The following NFIB variants were observed in gnomAD, a reference collection of about 807,000 sequenced individuals.
The protein encoded by NFIB is nuclear factor I B.
Under a neutral mutation model 61.5 loss-of-function variants are expected in NFIB, and 11 were observed. The observed-to-expected ratio is 0.18, with a 90% confidence interval of 0.11 to 0.30. NFIB has a LOEUF of 0.30. NFIB is among the 10% of genes least tolerant of loss of function. The probability of loss-of-function intolerance (pLI) is 1.00; values close to 1 mark genes in which losing one functional copy is unlikely to be tolerated. For missense variants in NFIB, 471 were observed against 608.9 expected, an observed-to-expected ratio of 0.77 and a Z score of 2.38; for synonymous variants, 260 against 216.5, an observed-to-expected ratio of 1.20 and a Z score of -1.76.
At chr9:14,398,667 T>C in exon 1 of NFIB, 1 of 1,419,036 alleles carries the variant, frequency 7.0e-7, no homozygotes, top group Non-Finnish European at 9.5e-7. Context: ...GCCTGTAGGC[T>C]CTGCTTCTGC....
At chr9:14,102,417 G>T in intron 10 of NFIB, 1 of 1,548,922 alleles carries the variant, frequency 6.5e-7, no homozygotes, top group Non-Finnish European at 8.7e-7. Flanking sequence ...TAATTAAAAT[G>T]TTACCTTTGC....
At chr9:14,222,618 C>A (rs572646750) in intron 2 of NFIB, among the ~76,000 whole-genome samples, 1 of 151,998 alleles carries the variant, frequency 6.6e-6, no homozygotes, top group African/African-American at 2.4e-5. Context: ...GCCTGGGCAA[C>A]AAAGTGAGAC....
At chr9:14,341,589 G>T (rs576856792) in intron 1 of NFIB, among the ~76,000 whole-genome samples, 24 of 152,138 alleles carry the variant, frequency 1.6e-4, no homozygotes, top group Admixed American at 9.8e-4. Context: ...GGTTGCCAAG[G>T]CTCCGATAAA....
intron 10 of NFIB, among the ~76,000 whole-genome samples, chr9:14,104,396 T>C (rs2036238978): frequency 1.3e-5 from 2 of 152,002 alleles, no homozygotes; most frequent in South Asian, 4.1e-4. Context: ...TCAAATTTAG[T>C]GTGATGGGGC....
chr9:14,100,167 A>C (rs527283154), intron 10 of NFIB, among the ~76,000 whole-genome samples: 22 of 152,328 alleles, frequency 1.4e-4, no homozygotes, highest in African/African-American at 5.3e-4. Context: ...CTACTAATCA[A>C]AAGAAAAGTT....
At chr9:14,269,125 T>C (rs2057421469) in intron 2 of NFIB, among the ~76,000 whole-genome samples, 1 of 152,166 alleles carries the variant, frequency 6.6e-6, no homozygotes, top group South Asian at 2.1e-4. Flanking sequence ...TCCTCTACTA[T>C]ATTAAAAACA....
the NFIB span, among the ~76,000 whole-genome samples, chr9:14,481,197 G>GTGTATATATATA: frequency 8.6e-3 from 392 of 45,714 alleles, 13 homozygotes; most frequent in Non-Finnish European, 0.01. Context: ...GTGTGTGTGT[G>GTGTATATATATA]TATATATATA....
chr9:14,465,150 T>C, the NFIB span, among the ~76,000 whole-genome samples: 1 of 152,192 alleles, frequency 6.6e-6, no homozygotes, highest in Non-Finnish European at 1.5e-5. Flanking sequence ...TTTGCTCTCA[T>C]TATGGTTCAT....
At chr9:14,483,480 G>A in the NFIB span, among the ~76,000 whole-genome samples, 1 of 152,152 alleles carries the variant, frequency 6.6e-6, no homozygotes, top group Non-Finnish European at 1.5e-5. Flanking sequence ...TTTCACGGAG[G>A]CATCAATATT....
At chr9:14,136,166 T>A (rs182385787) in intron 6 of NFIB, among the ~76,000 whole-genome samples, 2 of 152,292 alleles carry the variant, frequency 1.3e-5, no homozygotes, top group East Asian at 3.9e-4. Flanking sequence ...ATGGAATAAA[T>A]GAAAACTACT....
At chr9:14,138,369 T>C (rs1586951002) in intron 6 of NFIB, among the ~76,000 whole-genome samples, 1 of 152,098 alleles carries the variant, frequency 6.6e-6, no homozygotes, top group African/African-American at 2.4e-5. Flanking sequence ...AGGAGGCGAA[T>C]AATCAGTGTA....
chr9:14,128,946 C>G (rs1175772463), intron 6 of NFIB, among the ~76,000 whole-genome samples: 1 of 152,018 alleles, frequency 6.6e-6, no homozygotes, highest in Non-Finnish European at 1.5e-5. Flanking sequence ...TTTTAAGAAG[C>G]AAAGCATTTG....
At chr9:14,224,755 C>T (rs1028610985) in intron 2 of NFIB, among the ~76,000 whole-genome samples, 1 of 152,166 alleles carries the variant, frequency 6.6e-6, no homozygotes, top group African/African-American at 2.4e-5. Context: ...GGGGTTGGGG[C>T]GGTCCTAGAA....
At chr9:14,263,105 C>G (rs544355767) in intron 2 of NFIB, among the ~76,000 whole-genome samples, 1 of 152,224 alleles carries the variant, frequency 6.6e-6, no homozygotes, top group Admixed American at 6.5e-5. Flanking sequence ...CTCACTTCCC[C>G]CTAAAAGAAA....
In NFIB at chr9:14,219,482, TACTA is replaced by T. The variant is rs148031416; in HGVS notation, c.563-39706_563-39703del. Among the ~76,000 whole-genome samples, 827 of 147,834 alleles carry T rather than the reference TACTA, an allele frequency of 5.6e-3. 15 individuals are homozygous for T. The highest frequency in any genetic ancestry group is 0.039 in the Admixed American group (570 of 14,744). Reference sequence around the variant, plus strand: ...CAAAACTGTAAACCTAAAATTAAACTACTAACTATTTTTGTTTGCAGGCTTCTTT... The same window carrying T: ...CAAAACTGTAAACCTAAAATTAAACTACTATTTTTGTTTGCAGGCTTCTTT... On this transcript the variant is annotated intron_variant, in intron 2 of 10. Transcript: ENST00000380953.
the NFIB span, among the ~76,000 whole-genome samples, chr9:14,459,469 T>C: frequency 2.0e-5 from 3 of 152,210 alleles, no homozygotes; most frequent in East Asian, 1.9e-4. Flanking sequence ...AAGGACTTCA[T>C]GTCTAAAACA....
intron 2 of NFIB, among the ~76,000 whole-genome samples, chr9:14,286,844 G>GA (rs1038393880): frequency 3.3e-5 from 5 of 152,122 alleles, no homozygotes; most frequent in Non-Finnish European, 7.4e-5. Context: ...GGCAAACTGA[G>GA]AAAGATTTCT....
chr9:14,527,362 T>C, the NFIB span, among the ~76,000 whole-genome samples: 3 of 152,208 alleles, frequency 2.0e-5, no homozygotes, highest in Non-Finnish European at 4.4e-5. Flanking sequence ...ATGTCATTAA[T>C]TGTACAGGAG....
chr9:14,226,800 C>T (rs1025356296), intron 2 of NFIB, among the ~76,000 whole-genome samples: 55 of 151,906 alleles, frequency 3.6e-4, no homozygotes, highest in African/African-American at 1.2e-3. Flanking sequence ...CAAATGGTTT[C>T]CCAATTTATC....
Sources: allele counts gnomAD v4.1 joint callset (sites outside exome capture counted in the v4.1 genomes callset), GRCh38; gene constraint gnomAD v4.1.1; transcripts MANE v1.5; gene names NCBI Gene and HGNC (gene_info 2026-07-23, HGNC 2026-07-21).